MIPOL1: variants seen among roughly 807,000 people sequenced by gnomAD.
The protein encoded by MIPOL1 is mirror-image polydactyly gene 1 protein.
A neutral mutation model predicts 60.9 loss-of-function variants in MIPOL1; 57 were observed. The observed-to-expected ratio is 0.94, with a 90% CI of 0.76 to 1.17. The LOEUF (loss-of-function observed/expected upper bound fraction) is 1.17, where lower values mean the gene tolerates loss of function less well. Ranked by LOEUF, MIPOL1 falls within the 50% of genes most tolerant of loss-of-function variation. The probability of loss-of-function intolerance (pLI) is 0.00; values close to 1 mark genes in which losing one functional copy is unlikely to be tolerated. For missense variants in MIPOL1, 551 were observed against 511.6 expected (o/e 1.08, Z -0.74); for synonymous variants, 179 against 168.8 (o/e 1.06, Z -0.47).
intron 11 of MIPOL1, among the ~76,000 whole-genome samples, chr14:37,428,200 C>G (rs551929307): frequency 6.6e-6 from 1 of 152,296 alleles, no homozygotes; most frequent in South Asian, 2.1e-4. Context: ...GTCTGACTCT[C>G]AACTCTCCAA....
chr14:37,218,510 T>C (rs1229702177), intron 1 of MIPOL1, among the ~76,000 whole-genome samples: 1 of 152,050 alleles, frequency 6.6e-6, no homozygotes, highest in East Asian at 1.9e-4. Context: ...TATAAGTGTG[T>C]TGAGGTCTGT....
At position 37,468,772 on chromosome 14, in the gene MIPOL1, C is replaced by T. The variant is rs574482603; in HGVS notation, c.1032-31136C>T. Among the ~76,000 whole-genome samples the T allele has an allele frequency of 6.2e-4, 94 of 152,226 alleles. 1 individual carries two copies. In the South Asian group the frequency reaches 0.014, roughly 23 times the overall value. ...CTATGGGAGAACATGAGGGGATGAC[C>T]TAAGCTGGACACTAGGTCAGATTTC... On this transcript the variant is annotated intron_variant, in intron 11 of 12. Transcript: ENST00000684589.
At chr14:37,520,926 CTTTTTTTT>C (rs11299536) in intron 12 of MIPOL1, among the ~76,000 whole-genome samples, 107 of 47,728 alleles carry the variant, frequency 2.2e-3, no homozygotes, top group South Asian at 4.7e-3. Context: ...TAACATTTTA[CTTTTTTTT>C]TTTTTTTTTT....
intron 9 of MIPOL1, among the ~76,000 whole-genome samples, chr14:37,354,110 T>G (rs1366761421): frequency 1.3e-5 from 2 of 151,502 alleles, no homozygotes; most frequent in Admixed American, 6.6e-5. Context: ...TGTTGTGTCT[T>G]TGTTCTCGTT....
intron 10 of MIPOL1, among the ~76,000 whole-genome samples, chr14:37,411,953 T>C (rs1216964988): frequency 6.6e-6 from 1 of 152,138 alleles, no homozygotes; most frequent in African/African-American, 2.4e-5. Flanking sequence ...CTATATGAGA[T>C]AGTAAGTTAT....
At chr14:37,479,880 C>T (rs2094835327) in intron 11 of MIPOL1, among the ~76,000 whole-genome samples, 1 of 151,788 alleles carries the variant, frequency 6.6e-6, no homozygotes, top group African/African-American at 2.4e-5. Flanking sequence ...CACAGAAATA[C>T]AAAGTAACAT....
At chr14:37,280,039 T>C (rs1337529407) in intron 6 of MIPOL1, among the ~76,000 whole-genome samples, 1 of 152,168 alleles carries the variant, frequency 6.6e-6, no homozygotes, top group Non-Finnish European at 1.5e-5. Flanking sequence ...TCATGAGGTA[T>C]TTGTCTCTCT....
At chr14:37,277,515 T>A (rs1000428160) in intron 6 of MIPOL1, 4 of 151,498 alleles carry the variant, frequency 2.6e-5, no homozygotes, top group African/African-American at 9.6e-5. Flanking sequence ...AAAACTTTTT[T>A]AATATAGTCT....
At chr14:37,296,256 C>T (rs533019098) in intron 7 of MIPOL1, among the ~76,000 whole-genome samples, 24 of 152,030 alleles carry the variant, frequency 1.6e-4, no homozygotes, top group Admixed American at 9.2e-4. Flanking sequence ...TTGAAACCAA[C>T]GAGAACAAAG....
chr14:37,271,153 A>G (rs1395133910), intron 6 of MIPOL1, among the ~76,000 whole-genome samples: 5 of 152,020 alleles, frequency 3.3e-5, no homozygotes, highest in African/African-American at 1.2e-4. Context: ...TGTATTTTTG[A>G]TATGTTATAG....
At chr14:37,384,777 A>G (rs1486918700) in intron 10 of MIPOL1, among the ~76,000 whole-genome samples, 3 of 151,976 alleles carry the variant, frequency 2.0e-5, no homozygotes, top group Non-Finnish European at 4.4e-5. Context: ...TAACTTATCA[A>G]TTCCTAATGA....
intron 3 of MIPOL1, chr14:37,265,120 T>G (rs1356723013): frequency 6.6e-6 from 1 of 152,242 alleles, no homozygotes; most frequent in Non-Finnish European, 1.5e-5. Flanking sequence ...TAAATTTATT[T>G]CTTCTCCTCT....
intron 10 of MIPOL1, among the ~76,000 whole-genome samples, chr14:37,421,394 G>A (rs550390323): frequency 4.9e-4 from 75 of 152,162 alleles, no homozygotes; most frequent in African/African-American, 1.8e-3. Context: ...TTTTAAAGTT[G>A]AATGTGATAT....
At chr14:37,354,902 T>G (rs1327079256) in intron 9 of MIPOL1, among the ~76,000 whole-genome samples, 2 of 47,508 alleles carry the variant, frequency 4.2e-5, no homozygotes, top group Non-Finnish European at 8.8e-5. Context: ...ATTTAGTCCA[T>G]TTACATTTAA....
intron 1 of MIPOL1, among the ~76,000 whole-genome samples, chr14:37,221,001 C>T (rs139958189): frequency 4.0e-5 from 6 of 151,894 alleles, no homozygotes; most frequent in East Asian, 1.9e-4. Flanking sequence ...TAAGCCGTAC[C>T]GACACATATT....
intron 12 of MIPOL1, among the ~76,000 whole-genome samples, chr14:37,501,285 T>G (rs1358605482): frequency 6.6e-6 from 1 of 152,238 alleles, no homozygotes; most frequent in Non-Finnish European, 1.5e-5. Flanking sequence ...AAGAACACTA[T>G]GATGTATAGG....
At chr14:37,222,517 G>C (rs1968987372) in intron 1 of MIPOL1, among the ~76,000 whole-genome samples, 1 of 151,624 alleles carries the variant, frequency 6.6e-6, no homozygotes, top group African/African-American at 2.4e-5. Context: ...TTAGTGCATT[G>C]AGCTTAAATT....
chr14:37,218,019 A>G (rs533911914), intron 1 of MIPOL1, among the ~76,000 whole-genome samples: 28 of 152,276 alleles, frequency 1.8e-4, no homozygotes, highest in African/African-American at 6.0e-4. Flanking sequence ...TATCTCGTTC[A>G]GAAGTTTCCC....
chr14:37,363,189 C>T (rs948740935), intron 9 of MIPOL1, among the ~76,000 whole-genome samples: 2 of 152,164 alleles, frequency 1.3e-5, no homozygotes, highest in African/African-American at 2.4e-5. Context: ...GAAGAAGAGG[C>T]ACTCTGGTTT....
Sources: gnomAD v4.1 joint callset for allele counts (sites outside exome capture counted in the v4.1 genomes callset) on GRCh38, gnomAD v4.1.1 for gene constraint, MANE v1.5 for transcripts, NCBI Gene and HGNC (gene_info 2026-07-23, HGNC 2026-07-21) for gene names.